The following SNX17 variants were observed in gnomAD, a reference collection of about 807,000 sequenced individuals.
The protein encoded by SNX17 is sorting nexin 17.
A neutral mutation model predicts 64.3 loss-of-function variants in SNX17; 35 were observed. The observed-to-expected ratio is 0.54, with a 90% confidence interval of 0.42 to 0.72. The LOEUF is 0.72. Among genes scored for constraint, SNX17 ranks in the 30% least tolerant of loss-of-function variants. SNX17 has a pLI of 0.00. For missense variants in SNX17, 538 were observed against 610.0 expected (o/e 0.88, Z 1.24); for synonymous variants, 259 against 230.2 (o/e 1.13, Z -1.13).
At chr2:27,376,443 A>G (rs1296736187) in intron 13 of SNX17, 36 bp from the exon 14 acceptor site, 2 of 1,613,638 alleles carry the variant, frequency 1.2e-6, no homozygotes, top group South Asian at 2.2e-5. Flanking sequence ...CACCTCTCCT[A>G]GTGAGTTTCT....
In SNX17 at chr2:27,371,313, C is replaced by T; in HGVS notation, c.108C>T (p.Arg36=). Residue 36 remains arginine (R), a synonymous_variant, in exon 2 of 15, where the codon CGC becomes CGT. Transcript: ENST00000233575. The stretch of plus-strand genomic sequence containing the variant: ...ATGGAGTCCTGCACTGTCGGGTGCG[C>T]TACAGCCAGCTCCTGGGGCTGCACG... ...HVNGVLHCRV[R]YSQLLGLHEQ... The T allele has an allele frequency of 9.3e-6, 15 of 1,613,166 alleles. No homozygotes were observed. Among genetic ancestry groups the T allele is most frequent in the Non-Finnish European group, 1.3e-5 (15 of 1,179,902 alleles).
Position 27,375,720 on chromosome 2 carries a change from T to C in SNX17, c.978+11T>C, listed in dbSNP as rs752370925. The C allele has an allele frequency of 3.7e-6, 6 of 1,612,766 alleles. No individual in the cohort carries two copies. Among genetic ancestry groups the C allele is most frequent in the Non-Finnish European group, 5.1e-6 (6 of 1,179,866 alleles). On this transcript the variant is annotated intron_variant, in intron 10 of 14. Transcript: ENST00000233575. The surrounding 1 kb of genome is among the most constrained non-coding windows in gnomAD (Gnocchi z 4.1). ...CGGGTCACCTCCTCTGTGAGTCGGGTTAGGAGGGGGAAGGGCCTGGGTTGG... is the reference window on the plus strand; with the variant it reads ...CGGGTCACCTCCTCTGTGAGTCGGGCTAGGAGGGGGAAGGGCCTGGGTTGG...
chr2:27,372,522 G>A, intron 2 of SNX17, 101 bp from the exon 3 acceptor site: 1 of 1,553,970 alleles, frequency 6.4e-7, no homozygotes, highest in Non-Finnish European at 8.8e-7. Flanking sequence ...CAGGGACTGA[G>A]GGAAGGGAGG....
At position 27,373,963 on chromosome 2, in the gene SNX17, G is replaced by A. The variant is rs565490708; in HGVS notation, c.424G>A (p.Val142Ile). The change falls in exon 5 of 15, where the codon GTC becomes ATC. Residue 142 changes from valine (V) to isoleucine (I), a missense_variant. Val to Ile is a conservative substitution (Grantham distance 29). Coordinates refer to ENST00000233575, the MANE Select transcript of SNX17 (RefSeq NM_014748.4). Reference sequence around the variant, plus strand: ...GCTAACTTCAGATCAGACTGAGGATGTCCTGGAGGTGAGGCGCTTGTTCAG... The same window carrying A: ...GCTAACTTCAGATCAGACTGAGGATATCCTGGAGGTGAGGCGCTTGTTCAG... ...NVLTSDQTEDVLEAVAAKLDL... is the reference protein window; with the variant it reads ...NVLTSDQTEDILEAVAAKLDL... 8 of 1,614,112 alleles carry A rather than the reference G, an allele frequency of 5.0e-6. No homozygotes were observed. The South Asian group carries it at 7.7e-5, about 16-fold the overall frequency.
chr2:27,376,193 A>AAGTGT lies in SNX17; in HGVS notation c.1182+11_1182+15dup, dbSNP rs746637922. The AAGTGT allele has an allele frequency of 1.2e-6, 2 of 1,614,072 alleles. No homozygotes were observed. The highest frequency in any genetic ancestry group is 2.2e-5 in the South Asian group (2 of 91,082). On this transcript the variant is annotated intron_variant, in intron 12 of 14. Coordinates refer to ENST00000233575, the MANE Select transcript of SNX17 (RefSeq NM_014748.4). ...CGGCAGTATCAGGAAGGTAGGCAGC[A>AAGTGT]AGTGTGGACTGAGCAGTGAGCAGGT... is the stretch of plus-strand genomic sequence containing the variant.
chr2:27,374,587 CCT>C (rs2148401158), intron 7 of SNX17, 100 bp from the exon 8 acceptor site: 2 of 1,290,566 alleles, frequency 1.5e-6, no homozygotes, highest in Non-Finnish European at 2.2e-6. Flanking sequence ...ACCATTAGCC[CCT>C]GATAGTTCCA....
At chr2:27,374,459 G>C in intron 7 of SNX17, 26 bp downstream of exon 7, 1 of 1,585,428 alleles carries the variant, frequency 6.3e-7, no homozygotes, top group African/African-American at 1.3e-5. Flanking sequence ...GGAAGGGGAG[G>C]GGTGGGAGGT....
Position 27,370,657 on chromosome 2 carries a change from G to A in SNX17, c.-87G>A. 1 of 1,472,584 alleles carries A rather than the reference G, an allele frequency of 6.8e-7. No individual in the cohort carries two copies. The highest frequency in any genetic ancestry group is 9.0e-7 in the Non-Finnish European group (1 of 1,108,452). 91.2% of individuals were successfully genotyped at this position (1,472,584 alleles called of 1,614,324 possible). ...TCCCAAAATGGCGAGTGAGGCTGCG[G>A]GGACTCGCTGAGCAGCGGAGGGGGA... is the stretch of plus-strand genomic sequence containing the variant. On this transcript the variant is annotated 5_prime_UTR_variant, in exon 1 of 15. Coordinates refer to ENST00000233575, the MANE Select transcript of SNX17 (RefSeq NM_014748.4).
At chr2:27,372,158 C>T (rs764493572) in intron 2 of SNX17, among the ~76,000 whole-genome samples, 1 of 152,218 alleles carries the variant, frequency 6.6e-6, no homozygotes, top group Admixed American at 6.5e-5. Flanking sequence ...GCTGAGATTA[C>T]AGGCATGAGG....
intron 6 of SNX17, 60 bp from the exon 7 acceptor site, chr2:27,374,286 T>C: frequency 6.4e-7 from 1 of 1,569,022 alleles, no homozygotes; most frequent in Non-Finnish European, 8.8e-7. Flanking sequence ...GGCACTTCTT[T>C]CTTGATTTCC....
intron 2 of SNX17, 93 bp downstream of exon 2, chr2:27,371,436 A>G: frequency 6.7e-7 from 1 of 1,490,904 alleles, no homozygotes; most frequent in Non-Finnish European, 8.9e-7. Context: ...TTGTTCCCGT[A>G]GGCTGTAGTT....
At chr2:27,373,433 G>A (rs1049663776) in intron 4 of SNX17, 122 bp downstream of exon 4, 3 of 956,274 alleles carry the variant, frequency 3.1e-6, no homozygotes, top group African/African-American at 3.3e-5. Context: ...TGCGATCTCA[G>A]CTCACTGCAA....
intron 7 of SNX17, 71 bp from the exon 8 acceptor site, chr2:27,374,618 C>T (rs1682978864): frequency 6.0e-6 from 9 of 1,491,254 alleles, no homozygotes; most frequent in Non-Finnish European, 7.5e-6. Context: ...CTGTTTTGCC[C>T]ATTTTCCATT....
In SNX17 at chr2:27,377,516, G is replaced by A. The variant is rs148848066; in HGVS notation, c.*797G>A. 219 of 1,610,840 alleles carry A rather than the reference G, an allele frequency of 1.4e-4. 3 individuals carry two copies. The African/African-American group carries it at 1.9e-3, about 14-fold the overall frequency. On this transcript the variant is annotated 3_prime_UTR_variant, in exon 15 of 15. Transcript: ENST00000233575. The surrounding 1 kb of genome is among the most constrained non-coding windows in gnomAD (Gnocchi z 4.4). Reference sequence around the variant, plus strand: ...GAAAAAGGTGGCTTCTGGTCCGTCTGTATAAAACATGGGGAAGAAGGACCT... The same window carrying A: ...GAAAAAGGTGGCTTCTGGTCCGTCTATATAAAACATGGGGAAGAAGGACCT...
Position 27,375,901 on chromosome 2 carries a change from G to T in SNX17, c.1034G>T (p.Arg345Leu). 2 of 1,614,154 alleles carry T rather than the reference G, an allele frequency of 1.2e-6. No homozygotes were observed. Among genetic ancestry groups the T allele is most frequent in the South Asian group, 1.1e-5 (1 of 91,086 alleles). ...CCAGGCCGGGGCCGGGGTGAGGTGC[G>T]CCTGGAACTGGCTTTTGAATACCTC... The part of the protein sequence containing the change: ...SSPGRGRGEV[R>L]LELAFEYLMS... Residue 345 changes from arginine (R) to leucine (L), a missense_variant, in exon 11 of 15, where the codon CGC (arginine) becomes CTC (leucine). Around this residue, in one of 3 missense-constraint regions of SNX17, gnomAD observed 505 missense variants for 550.4 expected, o/e 0.92. Transcript: ENST00000233575. This position sits in a 1 kb window ranked among gnomAD's most constrained non-coding sequence, Gnocchi z 4.1.
In SNX17 at chr2:27,375,734, G is replaced by T. The variant is rs1372461200; in HGVS notation, c.978+25G>T. 2 of 1,612,844 alleles carry T rather than the reference G, an allele frequency of 1.2e-6. No homozygotes were observed. ...TGTGAGTCGGGTTAGGAGGGGGAAGGGCCTGGGTTGGGGGCCCGGCAAGCC... is the reference window on the plus strand; with the variant it reads ...TGTGAGTCGGGTTAGGAGGGGGAAGTGCCTGGGTTGGGGGCCCGGCAAGCC... On this transcript the variant is annotated intron_variant, in intron 10 of 14. Coordinates refer to ENST00000233575, the MANE Select transcript of SNX17 (RefSeq NM_014748.4). The surrounding 1 kb of genome is among the most constrained non-coding windows in gnomAD (Gnocchi z 4.1).
rs199528137 is a variant in SNX17, at chr2:27,376,720, T to C, written c.*1T>C. The C allele has an allele frequency of 1.2e-6, 2 of 1,612,164 alleles. No homozygotes were observed. The highest frequency in any genetic ancestry group is 1.7e-6 in the Non-Finnish European group (2 of 1,178,240). ...GGGCATTGGAGATGAGGATCTGTAA[T>C]CTCCACTGCTTGGATGTCTGCCCTC... is the stretch of plus-strand genomic sequence containing the variant. On this transcript the variant is annotated 3_prime_UTR_variant, in exon 15 of 15. Coordinates refer to ENST00000233575, the MANE Select transcript of SNX17 (RefSeq NM_014748.4).
At chr2:27,373,395 C>T (rs777737976) in intron 4 of SNX17, 84 bp downstream of exon 4, 1 of 1,412,508 alleles carries the variant, frequency 7.1e-7, no homozygotes, top group South Asian at 1.2e-5. Flanking sequence ...CAGAGTCTTG[C>T]TCTTTTGCAC....
intron 2 of SNX17, chr2:27,371,681 C>G (rs1682571314): frequency 4.6e-6 from 1 of 219,148 alleles, no homozygotes; most frequent in African/African-American, 2.3e-5. Flanking sequence ...ATCTGAGCGG[C>G]AACTTGAAAT....
Sources: gnomAD v4.1 joint callset for allele counts (sites outside exome capture counted in the v4.1 genomes callset) on GRCh38, gnomAD v4.1.1 for gene constraint, gnomAD v4.1.1 regional missense constraint, Gnocchi (gnomAD v3.1) non-coding constraint, MANE v1.5 for transcripts, NCBI Gene and HGNC (gene_info 2026-07-23, HGNC 2026-07-21) for gene names.